The following MYO10 variants were observed in gnomAD, a reference collection of about 807,000 sequenced individuals.
MYO10 encodes myosin X, also known as unconventional myosin-X.
In MYO10, 133 loss-of-function variants were observed where a neutral mutation model predicts 257.3. That is an observed-to-expected ratio of 0.52 (90% confidence interval 0.45 to 0.60). The LOEUF (loss-of-function observed/expected upper bound fraction) is 0.60, where lower values mean the gene tolerates loss of function less well. MYO10 is among the 20% of genes least tolerant of loss of function. MYO10 has a pLI of 0.00. For missense variants in MYO10, 2,399 were observed against 2,635.7 expected (o/e 0.91, Z 1.97); for synonymous variants, 1,104 against 1,028.6 (o/e 1.07, Z -1.40).
At chr5:16,730,581 A>C (rs188509005) in intron 19 of MYO10, among the ~76,000 whole-genome samples, 6 of 152,320 alleles carry the variant, frequency 3.9e-5, no homozygotes, top group South Asian at 2.1e-4. Flanking sequence ...AGAGGTCAAC[A>C]GGGGCAGCAT....
rs1579809306 is a variant in MYO10, at chr5:16,680,034, G to A, written c.4455C>T (p.Ala1485=). 1.9e-6 allele frequency: 3 copies of A among 1,613,918 alleles called. No homozygotes were observed. Among genetic ancestry groups the A allele is most frequent in the Non-Finnish European group, 2.5e-6 (3 of 1,179,858 alleles). ...YRLYTKLLNE[A]TRWSSAIQNV... ...TTTGAATGGCACTGGACCACCGGGTGGCCTCGTTGAGCAGCTTGGTGTAGA... is the reference window on the plus strand; with the variant it reads ...TTTGAATGGCACTGGACCACCGGGTAGCCTCGTTGAGCAGCTTGGTGTAGA... The change falls in exon 33 of 41, where the codon GCC becomes GCT. Residue 1485 remains alanine (A), a synonymous_variant. Coordinates refer to ENST00000513610, the MANE Select transcript of MYO10 (RefSeq NM_012334.3).
In MYO10 at chr5:16,670,720, A is replaced by G. The variant is rs778490763; in HGVS notation, c.5689T>C (p.Ser1897Pro). ...TCCTCGACCTTCTGCCGGACCACGGATCCTGTCCGGAAGCTCCGCCTCAGG... is the reference window on the plus strand; with the variant it reads ...TCCTCGACCTTCTGCCGGACCACGGGTCCTGTCCGGAAGCTCCGCCTCAGG... ...GTLRRSFRTG[S>P]VVRQKVEEEQ... Residue 1897 changes from serine to proline, a missense_variant, in exon 39 of 41, where the codon TCC becomes CCC. Coordinates refer to ENST00000513610, the MANE Select transcript of MYO10 (RefSeq NM_012334.3). 1.2e-6 allele frequency: 2 copies of G among 1,614,016 alleles called. No individual in the cohort carries two copies. Among genetic ancestry groups the G allele is most frequent in the African/African-American group, 2.7e-5 (2 of 75,050 alleles).
rs184964953 is a variant in MYO10 at position 16,681,923 on chromosome 5, C to T, written c.4137G>A (p.Leu1379=). The T allele has an allele frequency of 6.2e-7, 1 of 1,613,970 alleles. No individual in the cohort carries two copies. The highest frequency in any genetic ancestry group is 2.2e-5 in the East Asian group (1 of 44,868). The change falls in exon 31 of 41, where the codon CTG becomes CTA. Residue 1379 remains leucine (L), a synonymous_variant. Transcript: ENST00000513610. ...CTCTGGTGTCCCCTTTGGACCTCTG[C>T]AGCAGGGTTATCCAGTGGTGCATCT... ...PEEMHHWITL[L]QRSKGDTRVE...
chr5:16,758,506 T>G (rs1740601031), intron 17 of MYO10, among the ~76,000 whole-genome samples: 1 of 152,230 alleles, frequency 6.6e-6, no homozygotes, highest in Non-Finnish European at 1.5e-5. Flanking sequence ...CTGTGCTTTC[T>G]GGAATGCCAT....
chr5:16,885,071 G>T (rs1433582350), intron 1 of MYO10, among the ~76,000 whole-genome samples: 1 of 152,150 alleles, frequency 6.6e-6, no homozygotes, highest in Non-Finnish European at 1.5e-5. Context: ...ACAGAGAATA[G>T]AGAAAGCAGC....
chr5:16,795,821 A>C (rs2126682135), intron 3 of MYO10, among the ~76,000 whole-genome samples: 1 of 152,268 alleles, frequency 6.6e-6, no homozygotes, highest in South Asian at 2.1e-4. Context: ...ACACTTCAAA[A>C]TAGTCAAAAT....
At chr5:16,805,458 CAA>C (rs36126574) in intron 3 of MYO10, among the ~76,000 whole-genome samples, 307 of 78,304 alleles carry the variant, frequency 3.9e-3, no homozygotes, top group African/African-American at 0.013. Flanking sequence ...GACTCCATCT[CAA>C]AAAAAAAAAA....
chr5:16,702,925 C>G lies in MYO10; in HGVS notation c.2510G>C (p.Arg837Thr). The G allele has an allele frequency of 6.4e-7, 1 of 1,550,928 alleles. No homozygotes were observed. Residue 837 changes from arginine (R) to threonine (T), a missense_variant and splice_region_variant, in exon 23 of 41, where the codon AGA (arginine) becomes ACA (threonine). Arg to Thr is a moderately conservative substitution (Grantham distance 71). This residue lies in a region of MYO10 where 1,820 missense variants were observed against 1,939.4 expected (regional missense o/e 0.94). Coordinates refer to ENST00000513610, the MANE Select transcript of MYO10 (RefSeq NM_012334.3). ...CATCCCAGCAAGAAAGGTACTGTAC[C>G]TTTCTTCTTCCTCCCGTTTCTTCTT... ...EEKKKREEEE[R>T]ERERERREAE...
At chr5:16,907,891 T>G (rs960496356) in intron 1 of MYO10, among the ~76,000 whole-genome samples, 1 of 152,250 alleles carries the variant, frequency 6.6e-6, no homozygotes, top group African/African-American at 2.4e-5. Flanking sequence ...AATTTATCTT[T>G]ACCTCTCTTT....
chr5:16,810,570 G>T (rs551837018), intron 3 of MYO10, among the ~76,000 whole-genome samples: 2 of 152,236 alleles, frequency 1.3e-5, no homozygotes, highest in South Asian at 4.1e-4. Flanking sequence ...AAGGTGGGAG[G>T]ATGGCTTGAG....
At chr5:16,689,990 A>C in intron 27 of MYO10, 71 bp from the exon 28 acceptor site, 1 of 1,085,388 alleles carries the variant, frequency 9.2e-7, no homozygotes, top group Non-Finnish European at 1.4e-6. Context: ...AAAGCAACTA[A>C]TGAAGCCAAT....
Position 16,664,531 on chromosome 5 carries a change from A to T in MYO10, c.*2161T>A, listed in dbSNP as rs1292172830. 6.6e-6 allele frequency: 1 copy of T among 152,216 alleles called. No homozygotes were observed. Among genetic ancestry groups the T allele is most frequent in the Non-Finnish European group, 1.5e-5 (1 of 68,042 alleles). The allele number at this position is 152,216 out of a possible 1,614,324, so 9.4% of individuals were successfully genotyped here. A position where few individuals can be genotyped will look rare whatever the true frequency, so the allele number is the denominator to read the frequency against. ...ATCCCAATCCCTGCAGAATGGGAAG[A>T]AGCCATCCGTGAGCATGAGCAGAGG... is the stretch of plus-strand genomic sequence containing the variant. On this transcript the variant is annotated 3_prime_UTR_variant, in exon 41 of 41. Coordinates refer to ENST00000513610, the MANE Select transcript of MYO10 (RefSeq NM_012334.3).
At chr5:16,887,286 T>A (rs1172504770) in intron 1 of MYO10, among the ~76,000 whole-genome samples, 1 of 152,140 alleles carries the variant, frequency 6.6e-6, no homozygotes, top group African/African-American at 2.4e-5. Flanking sequence ...GTAAAAGGTA[T>A]CACCAACAAT....
chr5:16,907,004 C>A (rs950934726), intron 1 of MYO10, among the ~76,000 whole-genome samples: 3 of 152,092 alleles, frequency 2.0e-5, no homozygotes, highest in African/African-American at 7.2e-5. Context: ...GTCCCAGCTA[C>A]TCGGGAAGCT....
intron 3 of MYO10, among the ~76,000 whole-genome samples, chr5:16,808,856 G>A (rs962779758): frequency 2.6e-5 from 4 of 151,998 alleles, no homozygotes; most frequent in African/African-American, 4.8e-5. Flanking sequence ...ATTTTTAGTA[G>A]AGATGGGGTT....
chr5:16,664,130 T>C lies in MYO10; in HGVS notation c.*2562A>G, dbSNP rs1358782769. The stretch of plus-strand genomic sequence containing the variant: ...AAACTGAAGGGCACGCAGGCCTCCC[T>C]GTACGTTCTGTTGCAACTTTCTCTG... On this transcript the variant is annotated 3_prime_UTR_variant, in exon 41 of 41. Coordinates refer to ENST00000513610, the MANE Select transcript of MYO10 (RefSeq NM_012334.3). 1 of 152,178 alleles carries C rather than the reference T, an allele frequency of 6.6e-6. No homozygotes were observed. The highest frequency in any genetic ancestry group is 1.5e-5 in the Non-Finnish European group (1 of 68,040). The allele number at this position is 152,178 out of a possible 1,614,324, so 9.4% of individuals were successfully genotyped here.
At chr5:16,691,894 C>T (rs1737525819) in intron 27 of MYO10, among the ~76,000 whole-genome samples, 1 of 152,142 alleles carries the variant, frequency 6.6e-6, no homozygotes, top group African/African-American at 2.4e-5. Context: ...GAAACACGTT[C>T]AAACACATGC....
intron 3 of MYO10, among the ~76,000 whole-genome samples, chr5:16,807,315 T>C (rs142873326): frequency 1.1e-3 from 164 of 152,278 alleles, no homozygotes; most frequent in African/African-American, 3.7e-3. Flanking sequence ...AGTGACAACT[T>C]GACAAATGGC....
At chr5:16,827,870 C>T (rs1004187527) in intron 2 of MYO10, among the ~76,000 whole-genome samples, 3 of 152,080 alleles carry the variant, frequency 2.0e-5, no homozygotes, top group African/African-American at 4.8e-5. Context: ...AATACTGATG[C>T]TCATTTTTAA....
Sources: allele counts gnomAD v4.1 joint callset (sites outside exome capture counted in the v4.1 genomes callset), GRCh38; gene constraint gnomAD v4.1.1; regional missense constraint gnomAD v4.1.1; transcripts MANE v1.5; gene names NCBI Gene and HGNC (gene_info 2026-07-23, HGNC 2026-07-21).